The following CISTR variants were observed in gnomAD, a reference collection of about 807,000 sequenced individuals.
CISTR encodes chondrogenesis-associated transcript, also known as chondrogenic regulator lncRNA.
exon 3 of CISTR, among the ~76,000 whole-genome samples, chr12:53,746,624 C>T (rs1937784193): frequency 6.6e-6 from 1 of 152,146 alleles, no homozygotes; most frequent in Non-Finnish European, 1.5e-5. Flanking sequence ...AGAAGGGATG[C>T]AAGGATTCCT....
chr12:53,751,678 C>CA lies in CISTR; in HGVS notation n.415-714dup, dbSNP rs1937853492. ...TGCGTGCGGGTGCGATCCGGGCCTGCAGGGTGCGGAGCGGGGGCGTCCCGG... is the reference window on the plus strand; with the variant it reads ...TGCGTGCGGGTGCGATCCGGGCCTGCAAGGGTGCGGAGCGGGGGCGTCCCGG... On this transcript the variant is annotated intron_variant and non_coding_transcript_variant, in intron 1 of 2. Transcript: ENST00000669269. The surrounding 1 kb of genome is among the most constrained non-coding windows in gnomAD (Gnocchi z 4.6). 1 of 152,240 alleles carries CA rather than the reference C, an allele frequency of 6.6e-6. No individual in the cohort carries two copies. The allele number at this position is 152,240 out of a possible 1,614,324, so 9.4% of individuals were successfully genotyped here. A position where few individuals can be genotyped will look rare whatever the true frequency, so the allele number is the denominator to read the frequency against.
chr12:53,755,494 C>T (rs1255287738), intron 1 of CISTR, among the ~76,000 whole-genome samples: 1 of 152,122 alleles, frequency 6.6e-6, no homozygotes, highest in African/African-American at 2.4e-5. Flanking sequence ...ATCTAAAGTC[C>T]AGGATCTGGC....
intron 1 of CISTR, chr12:53,755,676 G>C (rs1937906788): frequency 6.6e-6 from 1 of 152,268 alleles, no homozygotes; most frequent in Admixed American, 6.5e-5. Context: ...GGTGGGTTTT[G>C]CTCCCTGGTC....
intron 1 of CISTR, among the ~76,000 whole-genome samples, chr12:53,753,077 CACACACACACACAG>C (rs1171308311): frequency 7.6e-4 from 94 of 124,222 alleles, no homozygotes; most frequent in Admixed American, 2.3e-3. Context: ...CACACACACA[CACACACACACACAG>C]AGAGAGACAC....
intron 1 of CISTR, chr12:53,754,579 G>A (rs149094577): frequency 6.6e-6 from 1 of 152,240 alleles, no homozygotes; most frequent in East Asian, 1.9e-4. Context: ...ACTTGCTCCC[G>A]TGGCTTGTTA....
In CISTR at chr12:53,753,317, A is replaced by G. The variant is rs568001310; in HGVS notation, n.415-2352T>C. Among the ~76,000 whole-genome samples, 20 of 152,278 alleles carry G rather than the reference A, an allele frequency of 1.3e-4. No individual in the cohort carries two copies. In the East Asian group the frequency reaches 3.7e-3, roughly 28 times the overall value. ...CTGCCCTGCTGGAACTCCTAGGCTC[A>G]TGGTAAGATGAGGCTGGTCGTCAAG... On this transcript the variant is annotated intron_variant and non_coding_transcript_variant, in intron 1 of 2. Coordinates refer to ENST00000669269, the Ensembl canonical transcript of CISTR.
chr12:53,747,666 C>T (rs1937798542), intron 2 of CISTR, among the ~76,000 whole-genome samples: 1 of 152,058 alleles, frequency 6.6e-6, no homozygotes, highest in Non-Finnish European at 1.5e-5. Context: ...TTGAGTTCCA[C>T]TGATTTAGGC....
intron 2 of CISTR, among the ~76,000 whole-genome samples, chr12:53,749,812 G>A (rs1937826395): frequency 6.6e-6 from 1 of 152,166 alleles, no homozygotes; most frequent in Admixed American, 6.5e-5. Flanking sequence ...AGTCAGGTGA[G>A]GACCCAGCTG....
chr12:53,753,709 T>C (rs1367663967), intron 1 of CISTR, among the ~76,000 whole-genome samples: 2 of 133,316 alleles, frequency 1.5e-5, no homozygotes, highest in African/African-American at 2.9e-5. Context: ...TGTGTATGTG[T>C]GTGTGTCTGT....
In CISTR at chr12:53,747,966, TCTC is replaced by T. The variant is rs1937801868; in HGVS notation, n.1064-1121_1064-1119del. 2.6e-5 allele frequency among the ~76,000 whole-genome samples: 4 copies of T among 152,178 alleles called. No individual in the cohort carries two copies. The South Asian group carries it at 8.3e-4, about 32-fold the overall frequency. On this transcript the variant is annotated intron_variant and non_coding_transcript_variant, in intron 2 of 2. Transcript: ENST00000669269. ...AAGCTCCTCCAGTCGGCTTCCCACC[TCTC>T]CTCATTCCTTTTCTCTTAGAATGTA...
chr12:53,748,804 A>G (rs959179972), intron 2 of CISTR, among the ~76,000 whole-genome samples: 5 of 152,174 alleles, frequency 3.3e-5, no homozygotes, highest in Admixed American at 3.3e-4. Flanking sequence ...GAGGGAGAAG[A>G]TGGGTTTCCA....
intron 1 of CISTR, among the ~76,000 whole-genome samples, chr12:53,753,566 A>T (rs1339924803): frequency 1.3e-5 from 2 of 152,160 alleles, no homozygotes; most frequent in African/African-American, 2.4e-5. Flanking sequence ...AACTGAAAGA[A>T]GAGAACTAGC....
At chr12:53,749,142 T>G (rs1937816580) in intron 2 of CISTR, among the ~76,000 whole-genome samples, 1 of 151,698 alleles carries the variant, frequency 6.6e-6, no homozygotes, top group Non-Finnish European at 1.5e-5. Context: ...AAGATGGAAG[T>G]TAGAGAAAGA....
At chr12:53,752,417 G>A (rs1937864742) in intron 1 of CISTR, among the ~76,000 whole-genome samples, 1 of 152,196 alleles carries the variant, frequency 6.6e-6, no homozygotes, top group Non-Finnish European at 1.5e-5. Flanking sequence ...GGTGGCGGTG[G>A]GTCTGTGGCT....
intron 1 of CISTR, among the ~76,000 whole-genome samples, chr12:53,752,310 G>A (rs551034620): frequency 6.6e-6 from 1 of 152,202 alleles, no homozygotes; most frequent in Non-Finnish European, 1.5e-5. Flanking sequence ...TCCAACCAGC[G>A]AAGTCGAATT....
chr12:53,756,449 G>T lies in CISTR; in HGVS notation n.414+365C>A, dbSNP rs1453655908. Reference sequence around the variant, plus strand: ...TATTTTATTTTAAATAGAGATGGGGGTCTTGCTATGTTGCTCAGGCTAGGC... The same window carrying T: ...TATTTTATTTTAAATAGAGATGGGGTTCTTGCTATGTTGCTCAGGCTAGGC... On this transcript the variant is annotated intron_variant and non_coding_transcript_variant, in intron 1 of 2. Coordinates refer to ENST00000669269, the Ensembl canonical transcript of CISTR. This position sits in a 1 kb window ranked among gnomAD's most constrained non-coding sequence, Gnocchi z 4.0. 1.3e-5 allele frequency among the ~76,000 whole-genome samples: 2 copies of T among 152,162 alleles called. No individual in the cohort carries two copies. The highest frequency in any genetic ancestry group is 2.1e-4 in the South Asian group (1 of 4,830).
chr12:53,749,479 G>T (rs1167551102), intron 2 of CISTR, among the ~76,000 whole-genome samples: 2 of 152,156 alleles, frequency 1.3e-5, no homozygotes, highest in East Asian at 3.9e-4. Flanking sequence ...AATCAACCCA[G>T]CATCATGTTT....
At chr12:53,749,462 G>A (rs1350912580) in intron 2 of CISTR, among the ~76,000 whole-genome samples, 1 of 151,998 alleles carries the variant, frequency 6.6e-6, no homozygotes, top group African/African-American at 2.4e-5. Context: ...TGGAGATGCT[G>A]GGCTGGAATC....
chr12:53,747,212 C>T (rs1371596462), intron 2 of CISTR, among the ~76,000 whole-genome samples: 1 of 152,184 alleles, frequency 6.6e-6, no homozygotes, highest in African/African-American at 2.4e-5. Flanking sequence ...GGAAGTTGCA[C>T]CTGAGCGCAG....
Sources: gnomAD v4.1 joint callset for allele counts (sites outside exome capture counted in the v4.1 genomes callset) on GRCh38, gnomAD v4.1.1 for gene constraint, Gnocchi (gnomAD v3.1) non-coding constraint, MANE v1.5 for transcripts, NCBI Gene and HGNC (gene_info 2026-07-23, HGNC 2026-07-21) for gene names.